KANK1: variants seen among roughly 807,000 people sequenced by gnomAD.
KANK1 encodes KN motif and ankyrin repeat domains 1, also known as KN motif and ankyrin repeat domain-containing protein 1.
In KANK1, 109 loss-of-function variants were observed where a neutral mutation model predicts 106.2. The ratio of observed to expected loss-of-function variants is 1.03; its 90% CI spans 0.88 to 1.20. The LOEUF (loss-of-function observed/expected upper bound fraction) is 1.20, where lower values mean the gene tolerates loss of function less well. Ranked by LOEUF, KANK1 falls within the 50% of genes most tolerant of loss-of-function variation. The pLI, the probability that KANK1 is intolerant of heterozygous loss-of-function variation, is 0.00. For synonymous variants in KANK1, 873 were observed against 652.2 expected (o/e 1.34, Z -5.16); for missense variants, 2,399 against 1,710.7 (o/e 1.40, Z -7.10).
intron 3 of KANK1, among the ~76,000 whole-genome samples, chr9:717,072 C>G (rs1446161314): frequency 6.6e-6 from 1 of 151,970 alleles, no homozygotes; most frequent in Non-Finnish European, 1.5e-5. Flanking sequence ...AGTGCTTGAG[C>G]CCAGGAGTTC....
intron 1 of KANK1, among the ~76,000 whole-genome samples, chr9:631,713 G>A (rs1835792228): frequency 6.6e-6 from 1 of 152,196 alleles, no homozygotes; most frequent in Non-Finnish European, 1.5e-5. Flanking sequence ...TGCAAAACCT[G>A]TAGTCATCCA....
chr9:608,028 A>ATTTTTTTTTTTTTTTTTTTTTTT (rs1326986665), intron 1 of KANK1, among the ~76,000 whole-genome samples: 1 of 84,386 alleles, frequency 1.2e-5, no homozygotes, highest in African/African-American at 4.7e-5. Flanking sequence ...TATTATTATT[A>ATTTTTTTTTTTTTTTTTTTTTTT]TTATTATTTT....
At chr9:614,047 T>A (rs1036342268) in intron 1 of KANK1, among the ~76,000 whole-genome samples, 1 of 152,196 alleles carries the variant, frequency 6.6e-6, no homozygotes, top group Non-Finnish European at 1.5e-5. Context: ...AGGGCCATTT[T>A]TCACAAGGAG....
intron 1 of KANK1, among the ~76,000 whole-genome samples, chr9:578,486 G>A (rs1271577942): frequency 6.6e-6 from 1 of 151,922 alleles, no homozygotes; most frequent in Non-Finnish European, 1.5e-5. Context: ...TTGGGCGGCA[G>A]GGAGGGGGTG....
intron 1 of KANK1, among the ~76,000 whole-genome samples, chr9:635,664 T>A (rs1384718483): frequency 1.3e-5 from 2 of 151,758 alleles, no homozygotes; most frequent in Non-Finnish European, 2.9e-5. Context: ...TTAATGTCCC[T>A]TCATCCATTT....
intron 2 of KANK1, among the ~76,000 whole-genome samples, chr9:696,316 T>TC (rs1821295977): frequency 6.6e-6 from 1 of 151,386 alleles, no homozygotes; most frequent in African/African-American, 2.4e-5. Context: ...GACTTCTGCC[T>TC]CCCCTAGACA....
chr9:658,480 A>AG (rs1842620086), intron 1 of KANK1, among the ~76,000 whole-genome samples: 2 of 151,902 alleles, frequency 1.3e-5, no homozygotes, highest in South Asian at 2.1e-4. Flanking sequence ...AGAAAAAAAA[A>AG]GATTGTAATT....
At chr9:672,786 T>C (rs10975708) in intron 1 of KANK1, among the ~76,000 whole-genome samples, 19,331 of 152,230 alleles carry the variant, frequency 0.13, 1,306 homozygotes, top group Non-Finnish European at 0.15. Context: ...CTTGGCGATC[T>C]ACTAAAACAT....
chr9:496,945 T>C (rs1040689588), intron 3 of KANK1, among the ~76,000 whole-genome samples: 1 of 152,116 alleles, frequency 6.6e-6, no homozygotes, highest in Non-Finnish European at 1.5e-5. Context: ...AACAATGATA[T>C]AATAATTATA....
chr9:732,728 C>T lies in KANK1; in HGVS notation c.3245+111C>T. The stretch of plus-strand genomic sequence containing the variant: ...ATTAAATGTTTGCTTTTATCTGTTC[C>T]TCAGAGGTATACACATCTTGAGATA... On this transcript the variant is annotated intron_variant, in intron 6 of 11. Transcript: ENST00000382297. 7 of 1,232,072 alleles carry T rather than the reference C, an allele frequency of 5.7e-6. 1 individual carries two copies. The South Asian group carries it at 8.4e-5, about 15-fold the overall frequency. 76.3% of individuals were successfully genotyped at this position (1,232,072 alleles called of 1,614,324 possible). A position where few individuals can be genotyped will look rare whatever the true frequency, so the allele number is the denominator to read the frequency against.
chr9:582,266 T>C (rs1014227273), intron 1 of KANK1, among the ~76,000 whole-genome samples: 3 of 152,206 alleles, frequency 2.0e-5, no homozygotes, highest in Non-Finnish European at 4.4e-5. Flanking sequence ...CTGCCCCAAA[T>C]TGTCAGGAGG....
intron 1 of KANK1, among the ~76,000 whole-genome samples, chr9:608,028 A>ATTTTTTTT (rs1326986665): frequency 1.3e-3 from 112 of 84,324 alleles, no homozygotes; most frequent in African/African-American, 4.6e-3. Context: ...TATTATTATT[A>ATTTTTTTT]TTATTATTTT....
chr9:620,707 AAAAAATTTTT>A (rs1215110772), intron 1 of KANK1, among the ~76,000 whole-genome samples: 1 of 152,138 alleles, frequency 6.6e-6, no homozygotes, highest in Non-Finnish European at 1.5e-5. Context: ...TTAAAAATTA[AAAAAATTTTT>A]AAAAACCAAC....
chr9:613,750 T>A (rs1831128007), intron 1 of KANK1, among the ~76,000 whole-genome samples: 1 of 152,164 alleles, frequency 6.6e-6, no homozygotes, highest in South Asian at 2.1e-4. Context: ...AACTTTACTT[T>A]AAAAATACAG....
At position 684,581 on chromosome 9, in the gene KANK1, A is replaced by G. The variant is rs370837399; in HGVS notation, c.37+7572A>G. On this transcript the variant is annotated intron_variant, in intron 2 of 11. Transcript: ENST00000382297. Reference sequence around the variant, plus strand: ...CCTCAGCAGACTTCTCGTTGTGAGTATTGGCATTTATTTCTGATTATGCAC... The same window carrying G: ...CCTCAGCAGACTTCTCGTTGTGAGTGTTGGCATTTATTTCTGATTATGCAC... The G allele has an allele frequency of 1.6e-5, 16 of 985,342 alleles. No homozygotes were observed. The East Asian group carries it at 1.0e-3, about 63-fold the overall frequency. The allele number at this position is 985,342 out of a possible 1,614,324, so 61.0% of individuals were successfully genotyped here.
At chr9:591,527 C>G (rs78146889) in intron 1 of KANK1, among the ~76,000 whole-genome samples, 4,987 of 151,778 alleles carry the variant, frequency 0.033, 378 homozygotes, top group African/African-American at 0.11. Context: ...ATGTTCCAGC[C>G]CCACTGGTCT....
chr9:514,198 C>T (rs1315742921), intron 1 of KANK1, among the ~76,000 whole-genome samples: 7 of 86,156 alleles, frequency 8.1e-5, no homozygotes, highest in African/African-American at 5.3e-4. Context: ...CTCCCTTCCT[C>T]CCTCCCTCTC....
chr9:576,086 C>T (rs1183057580), intron 1 of KANK1, among the ~76,000 whole-genome samples: 1 of 152,302 alleles, frequency 6.6e-6, no homozygotes, highest in Admixed American at 6.5e-5. Context: ...CAGCATCATT[C>T]ACATCATCTG....
At chr9:739,199 T>G (rs1019090867) in intron 8 of KANK1, among the ~76,000 whole-genome samples, 8 of 152,226 alleles carry the variant, frequency 5.3e-5, no homozygotes, top group African/African-American at 1.9e-4. Context: ...TTTCAACTTC[T>G]TGTTCAAATG....
Sources: allele counts gnomAD v4.1 joint callset (sites outside exome capture counted in the v4.1 genomes callset), GRCh38; gene constraint gnomAD v4.1.1; transcripts MANE v1.5; gene names NCBI Gene and HGNC (gene_info 2026-07-23, HGNC 2026-07-21).